Variants in RPS6KC1 observed in about 807,000 individuals in gnomAD.
RPS6KC1 encodes the protein ribosomal protein S6 kinase C1.
RPS6KC1 carries 54 observed loss-of-function variants against 103.8 expected under a neutral mutation model. The observed-to-expected ratio is 0.52, with a 90% confidence interval of 0.42 to 0.65. The LOEUF (loss-of-function observed/expected upper bound fraction) is 0.65. Among genes scored for constraint, RPS6KC1 ranks in the 30% least tolerant of loss-of-function variants. The probability of loss-of-function intolerance (pLI) is 0.00; values close to 1 mark genes in which losing one functional copy is unlikely to be tolerated. For missense variants in RPS6KC1, 1,151 were observed against 1,253.8 expected (o/e 0.92, Z 1.24); for synonymous variants, 439 against 438.7 (o/e 1.00, Z -0.01).
intron 8 of RPS6KC1, among the ~76,000 whole-genome samples, chr1:213,211,423 G>A (rs1008900425): frequency 6.6e-6 from 1 of 152,194 alleles, no homozygotes; most frequent in Non-Finnish European, 1.5e-5. Flanking sequence ...TTGGATCTGA[G>A]AAGAGCCTCC....
chr1:213,463,111 A>C, the RPS6KC1 span, among the ~76,000 whole-genome samples: 3 of 152,218 alleles, frequency 2.0e-5, no homozygotes, highest in African/African-American at 7.2e-5. Flanking sequence ...ATTCCTAAAC[A>C]ATGTGTTTAT....
At chr1:213,605,226 T>A in the RPS6KC1 span, among the ~76,000 whole-genome samples, 1 of 152,212 alleles carries the variant, frequency 6.6e-6, no homozygotes. Flanking sequence ...CCCTCATCAC[T>A]TAGTAGCCAT....
At chr1:213,590,087 A>G in the RPS6KC1 span, among the ~76,000 whole-genome samples, 1 of 152,168 alleles carries the variant, frequency 6.6e-6, no homozygotes, top group Non-Finnish European at 1.5e-5. Flanking sequence ...ACTGTTTGCC[A>G]TACATATTAC....
the RPS6KC1 span, among the ~76,000 whole-genome samples, chr1:213,443,935 G>A: frequency 6.6e-6 from 1 of 151,888 alleles, no homozygotes; most frequent in African/African-American, 2.4e-5. Flanking sequence ...CTTTCCCTTT[G>A]TCTTTTGAGC....
At chr1:213,662,428 A>AT in the RPS6KC1 span, among the ~76,000 whole-genome samples, 47,739 of 120,792 alleles carry the variant, frequency 0.4, 9,354 homozygotes, top group Admixed American at 0.44. Context: ...CACCTGGCTA[A>AT]TTTTTTTTTT....
chr1:213,131,505 A>G (rs577781084), intron 6 of RPS6KC1, among the ~76,000 whole-genome samples: 100 of 151,718 alleles, frequency 6.6e-4, no homozygotes, highest in Non-Finnish European at 1.1e-3. Context: ...GGGCAGTGGT[A>G]TGATCTCAGC....
the RPS6KC1 span, among the ~76,000 whole-genome samples, chr1:213,563,653 G>C: frequency 5.9e-5 from 9 of 151,916 alleles, no homozygotes; most frequent in African/African-American, 2.2e-4. Flanking sequence ...CACTTGACTT[G>C]GAAAATATCA....
chr1:213,452,445 T>A, the RPS6KC1 span, among the ~76,000 whole-genome samples: 1 of 152,134 alleles, frequency 6.6e-6, no homozygotes, highest in South Asian at 2.1e-4. Flanking sequence ...CTTTTTTCCC[T>A]TTCTTCTTTT....
the RPS6KC1 span, among the ~76,000 whole-genome samples, chr1:213,729,562 G>A: frequency 6.6e-6 from 1 of 152,056 alleles, no homozygotes; most frequent in African/African-American, 2.4e-5. Flanking sequence ...GGGAGGGAAA[G>A]ACTTCCTGGA....
intron 1 of RPS6KC1, among the ~76,000 whole-genome samples, chr1:213,053,569 C>T (rs1427356227): frequency 6.6e-6 from 1 of 152,120 alleles, no homozygotes; most frequent in African/African-American, 2.4e-5. Context: ...TGTGATATAA[C>T]ACAGGAAGTT....
At chr1:213,334,884 C>A in the RPS6KC1 span, among the ~76,000 whole-genome samples, 3 of 152,196 alleles carry the variant, frequency 2.0e-5, no homozygotes, top group Non-Finnish European at 4.4e-5. Context: ...ATCTACATCT[C>A]TCTCTTTCTA....
intron 3 of RPS6KC1, among the ~76,000 whole-genome samples, chr1:213,092,819 A>G (rs1000782751): frequency 3.9e-5 from 6 of 152,222 alleles, no homozygotes; most frequent in African/African-American, 2.4e-5. Context: ...ACACATTTGT[A>G]TAGTGTATGT....
At chr1:213,230,396 A>T in intron 8 of RPS6KC1, 101 bp from the exon 9 acceptor site, 1 of 746,406 alleles carries the variant, frequency 1.3e-6, no homozygotes, top group Non-Finnish European at 2.1e-6. Flanking sequence ...TGGGGAGGGG[A>T]TTAAATTTCA....
At chr1:213,454,384 TTTTC>T in the RPS6KC1 span, among the ~76,000 whole-genome samples, 2 of 152,214 alleles carry the variant, frequency 1.3e-5, no homozygotes, top group Non-Finnish European at 2.9e-5. Context: ...AATTGCACAT[TTTTC>T]TTTGTGTTCA....
the RPS6KC1 span, among the ~76,000 whole-genome samples, chr1:213,640,224 C>T: frequency 1.3e-5 from 2 of 151,874 alleles, no homozygotes; most frequent in African/African-American, 2.4e-5. Context: ...CTTTTAATGC[C>T]TGTGAGGTCT....
intron 14 of RPS6KC1, among the ~76,000 whole-genome samples, chr1:213,267,615 A>ATTTGTAAAAAT (rs2094942200): frequency 1.3e-5 from 2 of 152,064 alleles, no homozygotes; most frequent in Non-Finnish European, 2.9e-5. Context: ...TAAAGCAGCT[A>ATTTGTAAAAAT]TTGTAAATAT....
intron 5 of RPS6KC1, among the ~76,000 whole-genome samples, chr1:213,128,503 T>A (rs1411567213): frequency 6.6e-6 from 1 of 152,176 alleles, no homozygotes; most frequent in Non-Finnish European, 1.5e-5. Context: ...GAGCAGAAAG[T>A]CTGATATGTA....
the RPS6KC1 span, among the ~76,000 whole-genome samples, chr1:213,536,013 G>A: frequency 2.9e-4 from 44 of 152,216 alleles, no homozygotes; most frequent in African/African-American, 1.1e-3. Context: ...GGCCGAGAAG[G>A]CAGCCAATAG....
At chr1:213,850,119 A>G in the RPS6KC1 span, among the ~76,000 whole-genome samples, 1 of 152,142 alleles carries the variant, frequency 6.6e-6, no homozygotes, top group Admixed American at 6.5e-5. Context: ...TTTGGCTATA[A>G]CTTTAGAATA....
Sources: allele counts gnomAD v4.1 joint callset (sites outside exome capture counted in the v4.1 genomes callset), GRCh38; gene constraint gnomAD v4.1.1; transcripts MANE v1.5; gene names NCBI Gene and HGNC (gene_info 2026-07-23, HGNC 2026-07-21).